Variants in PTCHD4 observed in about 807,000 individuals in gnomAD.
The protein encoded by PTCHD4 is patched domain-containing protein 4.
Under a neutral mutation model 58.1 loss-of-function variants are expected in PTCHD4, and 33 were observed. The observed-to-expected ratio is 0.57, with a 90% CI of 0.43 to 0.76. The LOEUF (loss-of-function observed/expected upper bound fraction) is 0.76. Ranked by LOEUF, PTCHD4 falls within the 30% of genes least tolerant of loss-of-function variation. The pLI, the probability that PTCHD4 is intolerant of heterozygous loss-of-function variation, is 0.00. For synonymous variants in PTCHD4, 478 were observed against 409.6 expected (o/e 1.17, Z -2.02); for missense variants, 1,058 against 1,027.1 (o/e 1.03, Z -0.41).
intron 4 of PTCHD4, among the ~76,000 whole-genome samples, chr6:47,884,214 A>G (rs1311082589): frequency 1.2e-4 from 18 of 152,186 alleles, no homozygotes; most frequent in Admixed American, 8.5e-4. Context: ...CCAACCAAAA[A>G]TTAGAATTTA....
intron 4 of PTCHD4, among the ~76,000 whole-genome samples, chr6:47,884,532 T>C (rs1410829): frequency 0.063 from 9,630 of 152,292 alleles, 358 homozygotes; most frequent in Middle Eastern, 0.099. Flanking sequence ...ATTCAGGTGA[T>C]GCATGGATCA....
In PTCHD4 at chr6:47,857,647, T is replaced by C. The variant is rs562286550; in HGVS notation, c.*20656A>G. Among the ~76,000 whole-genome samples the C allele has an allele frequency of 2.6e-5, 4 of 152,114 alleles. No individual in the cohort carries two copies. Among genetic ancestry groups the C allele is most frequent in the African/African-American group, 9.6e-5 (4 of 41,538 alleles). ...TAAACCATAGTGTTTGAGTTAAAAG[T>C]GCTCCTGTGTCTCTGCAATAGTATC... On this transcript the variant is annotated 3_prime_UTR_variant, in exon 5 of 5. Coordinates refer to ENST00000339488, the MANE Select transcript of PTCHD4 (RefSeq NM_001384253.1).
chr6:47,998,895 A>T (rs1435996135), intron 4 of PTCHD4, among the ~76,000 whole-genome samples: 1 of 152,230 alleles, frequency 6.6e-6, no homozygotes, highest in Non-Finnish European at 1.5e-5. Context: ...AATTACATAC[A>T]TAAAAATAGG....
rs776553983 is a variant in PTCHD4, at chr6:47,877,297, A to G, written c.*1006T>C. Among the ~76,000 whole-genome samples, 12 of 152,038 alleles carry G rather than the reference A, an allele frequency of 7.9e-5. No homozygotes were observed. Among genetic ancestry groups the G allele is most frequent in the Non-Finnish European group, 1.5e-4 (10 of 67,982 alleles). On this transcript the variant is annotated 3_prime_UTR_variant, in exon 5 of 5. Transcript: ENST00000339488. ...AACTATGGAGTACCCCAACTCACATACACATACTTGTGCACCCTTAGACTC... is the reference window on the plus strand; with the variant it reads ...AACTATGGAGTACCCCAACTCACATGCACATACTTGTGCACCCTTAGACTC...
chr6:47,986,965 T>A (rs1768088574), intron 4 of PTCHD4, among the ~76,000 whole-genome samples: 1 of 152,092 alleles, frequency 6.6e-6, no homozygotes, highest in Non-Finnish European at 1.5e-5. Flanking sequence ...GCATCTTGTA[T>A]TTTGAAACTT....
At chr6:47,928,677 G>T (rs1027531145) in intron 4 of PTCHD4, among the ~76,000 whole-genome samples, 9 of 152,040 alleles carry the variant, frequency 5.9e-5, no homozygotes, top group African/African-American at 1.9e-4. Flanking sequence ...ATTATATTCA[G>T]ATATATATCA....
intron 3 of PTCHD4, among the ~76,000 whole-genome samples, chr6:48,053,011 T>G (rs1380686846): frequency 6.6e-6 from 1 of 152,146 alleles, no homozygotes; most frequent in Non-Finnish European, 1.5e-5. Context: ...CTTTAAATAT[T>G]CATTGCACTT....
At position 47,879,913 on chromosome 6, in the gene PTCHD4, C is replaced by T. The variant is rs79417370; in HGVS notation, c.922G>A (p.Glu308Lys). ...GTTCTCCGCCATCCGGACAGAAGCT[C>T]AAACACTCCTTTAGTTCCATGACCT... ...AMGHGTKGVF[E>K]LLSGWRRTKE... Residue 308 changes from glutamate to lysine, a missense_variant, in exon 5 of 5, where the codon GAG becomes AAG. By Grantham distance (56) the Glu-to-Lys change is moderately conservative (BLOSUM62 1). Coordinates refer to ENST00000339488, the MANE Select transcript of PTCHD4 (RefSeq NM_001384253.1). 6.4e-7 allele frequency: 1 copy of T among 1,562,312 alleles called. No homozygotes were observed. Among genetic ancestry groups the T allele is most frequent in the East Asian group, 2.4e-5 (1 of 41,924 alleles).
intron 4 of PTCHD4, among the ~76,000 whole-genome samples, chr6:47,888,585 C>T (rs1327859873): frequency 2.0e-5 from 3 of 152,110 alleles, no homozygotes; most frequent in Admixed American, 2.0e-4. Flanking sequence ...CATATAGTCT[C>T]ATCCAGAGTT....
chr6:47,955,353 A>G (rs1324003357), intron 4 of PTCHD4, among the ~76,000 whole-genome samples: 1 of 152,236 alleles, frequency 6.6e-6, no homozygotes, highest in Non-Finnish European at 1.5e-5. Context: ...GAAAGAAAAA[A>G]TAAACAAAAT....
intron 1 of PTCHD4, among the ~76,000 whole-genome samples, chr6:48,101,878 G>A (rs570488025): frequency 9.2e-5 from 14 of 152,206 alleles, no homozygotes; most frequent in Middle Eastern, 3.4e-3. Context: ...TAGCTGGTGC[G>A]GTTGGATGAA....
intron 1 of PTCHD4, among the ~76,000 whole-genome samples, chr6:48,071,370 C>T (rs1319750511): frequency 2.0e-5 from 3 of 152,148 alleles, no homozygotes; most frequent in Non-Finnish European, 4.4e-5. Context: ...CATGGAAATA[C>T]ATTCACTGAA....
intron 4 of PTCHD4, among the ~76,000 whole-genome samples, chr6:47,958,399 ATAG>A (rs1766953200): frequency 1.3e-5 from 2 of 152,198 alleles, no homozygotes; most frequent in South Asian, 4.1e-4. Context: ...ACTATATGAA[ATAG>A]TGTTTTTCAA....
rs1765868909 is a variant in PTCHD4, at chr6:48,111,169, T to C, written c.-1090A>G. On this transcript the variant is annotated 5_prime_UTR_variant, in exon 1 of 5. It removes an upstream start codon present in the reference 5' UTR. Transcript: ENST00000339488. Reference sequence around the variant, plus strand: ...CATACTGTGGTTGGTAGTGGCTGCATCCCTCTACCGATGGCCAGACTTCTC... The same window carrying C: ...CATACTGTGGTTGGTAGTGGCTGCACCCCTCTACCGATGGCCAGACTTCTC... Among the ~76,000 whole-genome samples, 1 of 152,092 alleles carries C rather than the reference T, an allele frequency of 6.6e-6. No individual in the cohort carries two copies.
intron 3 of PTCHD4, among the ~76,000 whole-genome samples, chr6:48,055,893 GAA>G (rs1479098035): frequency 3.9e-5 from 6 of 152,184 alleles, no homozygotes; most frequent in Non-Finnish European, 8.8e-5. Flanking sequence ...GAATTGTACG[GAA>G]AGACTCAGTT....
intron 4 of PTCHD4, among the ~76,000 whole-genome samples, chr6:47,941,119 G>A (rs1298905392): frequency 1.3e-5 from 2 of 152,156 alleles, no homozygotes; most frequent in African/African-American, 4.8e-5. Context: ...GTAACACAGG[G>A]GCTGTACACA....
chr6:48,081,326 C>T (rs1198660694), intron 1 of PTCHD4, among the ~76,000 whole-genome samples: 2 of 152,164 alleles, frequency 1.3e-5, no homozygotes, highest in Non-Finnish European at 2.9e-5. Context: ...CATTTCTGCT[C>T]TGTTTTAGGA....
rs141814490 is a variant in PTCHD4 at position 47,902,703 on chromosome 6, C to T, written c.899-22767G>A. ...TTTTAATTACATATAAATGAATTCA[C>T]GTTCTAATCTTTCTTTTTCTATGGA... On this transcript the variant is annotated intron_variant, in intron 4 of 4. Coordinates refer to ENST00000339488, the MANE Select transcript of PTCHD4 (RefSeq NM_001384253.1). Among the ~76,000 whole-genome samples the T allele has an allele frequency of 3.7e-3, 565 of 152,190 alleles. 4 individuals are homozygous for T. The highest frequency in any genetic ancestry group is 4.0e-3 in the Non-Finnish European group (271 of 67,998).
chr6:48,096,197 A>G (rs1765466689), intron 1 of PTCHD4, among the ~76,000 whole-genome samples: 1 of 152,330 alleles, frequency 6.6e-6, no homozygotes, highest in African/African-American at 2.4e-5. Context: ...TGACATTTCA[A>G]TTAGTTCTTG....
Sources: gnomAD v4.1 joint callset for allele counts (sites outside exome capture counted in the v4.1 genomes callset) on GRCh38, gnomAD v4.1.1 for gene constraint, MANE v1.5 for transcripts, NCBI Gene and HGNC (gene_info 2026-07-23, HGNC 2026-07-21) for gene names.